Variants in HAUS8 observed in about 807,000 individuals in gnomAD.
HAUS8 encodes HAUS augmin-like complex subunit 8.
HAUS8 carries 38 observed loss-of-function variants against 42.9 expected under a neutral mutation model. That is an observed-to-expected ratio of 0.89 (90% CI 0.68 to 1.16). HAUS8 has a LOEUF of 1.16. HAUS8 is among the 50% of genes most tolerant of loss of function. The pLI is 0.00. For missense variants in HAUS8, 494 were observed against 511.6 expected (o/e 0.97, Z 0.33); for synonymous variants, 199 against 205.8 (o/e 0.97, Z 0.28).
At chr19:17,056,111 C>G in intron 8 of HAUS8, 109 bp from the exon 9 acceptor site, 1 of 1,013,150 alleles carries the variant, frequency 9.9e-7, no homozygotes, top group Non-Finnish European at 1.5e-6. Flanking sequence ...TTCTTCACCA[C>G]CCCCCAGGGA....
intron 3 of HAUS8, among the ~76,000 whole-genome samples, chr19:17,068,083 GT>G (rs1160219241): frequency 1.6e-5 from 2 of 125,188 alleles, no homozygotes; most frequent in Admixed American, 7.8e-5. Flanking sequence ...CTAAAAACCT[GT>G]TTTTTTATTT....
chr19:17,069,854 G>A (rs2057410707), intron 2 of HAUS8, among the ~76,000 whole-genome samples: 1 of 151,974 alleles, frequency 6.6e-6, no homozygotes, highest in Non-Finnish European at 1.5e-5. Context: ...AGTGGCCCCA[G>A]GAGACCCTCC....
At chr19:17,062,833 A>G in intron 3 of HAUS8, 54 bp from the exon 4 acceptor site, 1 of 1,319,762 alleles carries the variant, frequency 7.6e-7, no homozygotes, top group Non-Finnish European at 1.1e-6. Context: ...CTTCACAACA[A>G]CGGGCCCTGA....
chr19:17,070,337 G>C (rs575553278), intron 2 of HAUS8, among the ~76,000 whole-genome samples: 2 of 152,208 alleles, frequency 1.3e-5, no homozygotes, highest in Admixed American at 1.3e-4. Flanking sequence ...CCTGCTTCCT[G>C]AAACCTTCCA....
At chr19:17,075,183 G>A in intron 1 of HAUS8, 1 of 563,482 alleles carries the variant, frequency 1.8e-6, no homozygotes, top group South Asian at 2.3e-5. Flanking sequence ...CAGCGTCCCA[G>A]CCGAGGACGC....
intron 8 of HAUS8, among the ~76,000 whole-genome samples, chr19:17,058,039 G>A (rs965361053): frequency 3.2e-4 from 49 of 152,256 alleles, no homozygotes; most frequent in African/African-American, 1.1e-3. Context: ...AACCGTAAGA[G>A]AATGAATTCC....
intron 9 of HAUS8, 177 bp from the exon 10 acceptor site, chr19:17,053,143 GCT>G (rs1265933100): frequency 1.5e-6 from 1 of 670,958 alleles, no homozygotes; most frequent in Non-Finnish European, 2.5e-6. Flanking sequence ...TCCATCCCGT[GCT>G]CTGAGATTGT....
rs1373146760 is a variant in HAUS8, at chr19:17,050,002, C to T, written c.1104G>A (p.Glu368=). 11 of 1,606,296 alleles carry T rather than the reference C, an allele frequency of 6.8e-6. No individual in the cohort carries two copies. Among genetic ancestry groups the T allele is most frequent in the Non-Finnish European group, 9.3e-6 (11 of 1,176,864 alleles). The change falls in exon 11 of 11, where the codon GAG becomes GAA. Residue 368 remains glutamate, a synonymous_variant. Coordinates refer to ENST00000253669, the MANE Select transcript of HAUS8 (RefSeq NM_033417.2). ...CTGACGAGGCACCCGGGTTGTCGTCCTCAGACAGGGGCGTGTTCTTGGGTG... is the reference window on the plus strand; with the variant it reads ...CTGACGAGGCACCCGGGTTGTCGTCTTCAGACAGGGGCGTGTTCTTGGGTG... ...GGAPKNTPLS[E]DDNPGASSAP...
Position 17,075,094 on chromosome 19 carries a change from T to C in HAUS8, c.29+300A>G, listed in dbSNP as rs112415784. 5.2e-3 allele frequency: 2,534 copies of C among 491,550 alleles called. 61 individuals carry two copies. Among genetic ancestry groups the C allele is most frequent in the African/African-American group, 0.042 (2,202 of 51,864 alleles). 30.4% of individuals were successfully genotyped at this position (491,550 alleles called of 1,614,324 possible). ...TCAGCCTCACGCGACGCCTACGAGG[T>C]TGAGCTGCGTCATCGGCCCCATTTC... On this transcript the variant is annotated intron_variant, in intron 1 of 10. Transcript: ENST00000253669.
chr19:17,065,233 C>T (rs2057380839), intron 3 of HAUS8, among the ~76,000 whole-genome samples: 1 of 152,190 alleles, frequency 6.6e-6, no homozygotes. Flanking sequence ...AAAGATGGTG[C>T]AGCCACTGTG....
intron 2 of HAUS8, among the ~76,000 whole-genome samples, chr19:17,069,906 C>A (rs376009868): frequency 6.6e-6 from 1 of 152,060 alleles, no homozygotes; most frequent in African/African-American, 2.4e-5. Context: ...TGGCTGCATT[C>A]CCCCGGCCCT....
At chr19:17,067,571 A>G (rs953861741) in intron 3 of HAUS8, among the ~76,000 whole-genome samples, 2 of 152,210 alleles carry the variant, frequency 1.3e-5, no homozygotes, top group African/African-American at 4.8e-5. Context: ...GGGGAAAAAC[A>G]GAAAAGATCT....
chr19:17,061,328 G>A (rs1467457274), intron 4 of HAUS8, among the ~76,000 whole-genome samples: 2 of 152,062 alleles, frequency 1.3e-5, no homozygotes. Context: ...AGTAGAGACA[G>A]GGTTTCACCA....
chr19:17,059,680 C>T (rs1241090128), intron 5 of HAUS8, 29 bp from the exon 6 acceptor site: 3 of 1,523,280 alleles, frequency 2.0e-6, no homozygotes, highest in Middle Eastern at 1.7e-4. Flanking sequence ...TTTTTAATGG[C>T]AAGTAGCGTA....
intron 1 of HAUS8, 29 bp from the exon 2 acceptor site, chr19:17,073,364 C>T (rs1006831444): frequency 1.2e-6 from 2 of 1,604,038 alleles, no homozygotes; most frequent in African/African-American, 2.7e-5. Flanking sequence ...AGGTCTTGTT[C>T]ACCTCACTAC....
At chr19:17,056,032 C>T in intron 8 of HAUS8, 30 bp from the exon 9 acceptor site, 3 of 1,610,674 alleles carry the variant, frequency 1.9e-6, no homozygotes, top group Non-Finnish European at 2.5e-6. Context: ...TCAGGGGAGA[C>T]CCTGGAGTCC....
chr19:17,058,895 C>T lies in HAUS8; in HGVS notation c.421-19G>A, dbSNP rs1323818737. 6.3e-7 allele frequency: 1 copy of T among 1,596,392 alleles called. No individual in the cohort carries two copies. The highest frequency in any genetic ancestry group is 1.1e-5 in the South Asian group (1 of 89,730). On this transcript the variant is annotated intron_variant, in intron 6 of 10. Coordinates refer to ENST00000253669, the MANE Select transcript of HAUS8 (RefSeq NM_033417.2). ...ATAAATCCTTAAGAAAAGAAAAAGA[C>T]CCTCTCAATTCCTGATGAAGTGGTA...
rs896136806 is a variant in HAUS8 at position 17,059,596 on chromosome 19, A to G, written c.381T>C (p.Pro127=). 1 of 1,613,742 alleles carries G rather than the reference A, an allele frequency of 6.2e-7. No homozygotes were observed. Among genetic ancestry groups the G allele is most frequent in the African/African-American group, 1.3e-5 (1 of 74,886 alleles). The change falls in exon 6 of 11, where the codon CCT becomes CCC. Residue 127 remains proline, a synonymous_variant. Transcript: ENST00000253669. ...GAGGGGCAGAAAATGATGTTGACTCAGGTTTCTTTGATATTGTTTTTGCTA... is the reference window on the plus strand; with the variant it reads ...GAGGGGCAGAAAATGATGTTGACTCGGGTTTCTTTGATATTGTTTTTGCTA... ...PQLAKTISKK[P]ESTSFSAPRK... is the part of the protein sequence containing the mutation.
intron 8 of HAUS8, 29 bp downstream of exon 8, chr19:17,058,520 C>G: frequency 6.4e-7 from 1 of 1,553,378 alleles, no homozygotes; most frequent in East Asian, 2.3e-5. Flanking sequence ...GGAACACTCA[C>G]TGGTCACAGA....
Sources: gnomAD v4.1 joint callset for allele counts (sites outside exome capture counted in the v4.1 genomes callset) on GRCh38, gnomAD v4.1.1 for gene constraint, MANE v1.5 for transcripts, NCBI Gene and HGNC (gene_info 2026-07-23, HGNC 2026-07-21) for gene names.